The following FAM83A variants were observed in gnomAD, a reference collection of about 807,000 sequenced individuals.
FAM83A encodes scaffolding CK1 anchoring protein A.
FAM83A carries 21 observed loss-of-function variants against 24.4 expected under a neutral mutation model. That is an observed-to-expected ratio of 0.86 (90% CI 0.61 to 1.24). The LOEUF (loss-of-function observed/expected upper bound fraction) is 1.24. Ranked by LOEUF, FAM83A falls within the 50% of genes most tolerant of loss-of-function variation. FAM83A has a pLI of 0.00. For missense variants in FAM83A, 617 were observed against 579.8 expected, an observed-to-expected ratio of 1.06 and a Z score of -0.66; for synonymous variants, 270 against 252.4, an observed-to-expected ratio of 1.07 and a Z score of -0.66.
chr8:123,197,755 A>G (rs1330809225), intron 3 of FAM83A, among the ~76,000 whole-genome samples: 1 of 152,250 alleles, frequency 6.6e-6, no homozygotes, highest in Admixed American at 6.5e-5. Context: ...CGAAGAAATC[A>G]AAGAACAGGT....
At position 123,185,521 on chromosome 8, in the gene FAM83A, G is replaced by A. The variant is rs1229834321; in HGVS notation, c.480+2185G>A. 2.0e-5 allele frequency among the ~76,000 whole-genome samples: 3 copies of A among 152,172 alleles called. 1 individual carries two copies. The highest frequency in any genetic ancestry group is 4.4e-5 in the Non-Finnish European group (3 of 68,028). On this transcript the variant is annotated intron_variant, in intron 1 of 3. Transcript: ENST00000690554. Reference sequence around the variant, plus strand: ...CCTTTGGACCAACACAGCGTGTTACGAACTTAGGACAACACTTAAAAATCT... The same window carrying A: ...CCTTTGGACCAACACAGCGTGTTACAAACTTAGGACAACACTTAAAAATCT...
upstream of FAM83A, chr8:123,180,267 G>A (rs142660978): frequency 6.6e-6 from 1 of 151,826 alleles, no homozygotes; most frequent in East Asian, 1.9e-4. Flanking sequence ...AACAGGCAAT[G>A]GGGAGCCATT....
chr8:123,207,901 C>T (rs1280376058), exon 4 of FAM83A: 5 of 1,307,092 alleles, frequency 3.8e-6, no homozygotes, highest in Admixed American at 7.5e-5. Flanking sequence ...CTGTGCAGCA[C>T]ATTCCAGAAG....
At chr8:123,182,531 G>A (rs934444569), upstream of FAM83A, 7 of 532,918 alleles carry the variant, frequency 1.3e-5, no homozygotes, top group Non-Finnish European at 2.5e-5. Context: ...GCTCACCTTC[G>A]CCTCCCCCTG....
chr8:123,192,935 T>C (rs1824031520), intron 2 of FAM83A: 1 of 152,292 alleles, frequency 6.6e-6, no homozygotes, highest in South Asian at 2.1e-4. Context: ...AGGACAATGG[T>C]GTCCCTCCTC....
intron 3 of FAM83A, among the ~76,000 whole-genome samples, chr8:123,205,842 TG>T (rs763984438): frequency 2.2e-4 from 33 of 151,652 alleles, no homozygotes; most frequent in Non-Finnish European, 4.6e-4. Flanking sequence ...AGAAAAGAGT[TG>T]GGGTTAAATC....
chr8:123,190,901 G>T (rs1823951783), intron 1 of FAM83A, among the ~76,000 whole-genome samples: 1 of 152,110 alleles, frequency 6.6e-6, no homozygotes, highest in Admixed American at 6.6e-5. Flanking sequence ...AAGCAACCTC[G>T]TAGAAAGAAC....
rs1045071651 is a variant in FAM83A, at chr8:123,208,156, A to G, written c.*468A>G. 7.1e-6 allele frequency: 7 copies of G among 991,646 alleles called. No individual in the cohort carries two copies. The Admixed American group carries it at 3.6e-4, about 52-fold the overall frequency. The allele number at this position is 991,646 out of a possible 1,614,324, so 61.4% of individuals were successfully genotyped here. A position where few individuals can be genotyped will look rare whatever the true frequency, so the allele number is the denominator to read the frequency against. ...GAAATTCAGGAAAGAAAGACTGAGG[A>G]GAAGGTGTGGGAACATTCTGGATGT... On this transcript the variant is annotated 3_prime_UTR_variant, in exon 4 of 4. Coordinates refer to ENST00000690554, the Ensembl canonical transcript of FAM83A.
chr8:123,188,448 T>C (rs978160313), intron 1 of FAM83A, among the ~76,000 whole-genome samples: 30 of 152,076 alleles, frequency 2.0e-4, no homozygotes, highest in African/African-American at 6.3e-4. Context: ...CACCATTCAA[T>C]GCACCTTCTT....
At chr8:123,184,677 A>G (rs1823731513) in intron 1 of FAM83A, among the ~76,000 whole-genome samples, 1 of 152,100 alleles carries the variant, frequency 6.6e-6, no homozygotes, top group Non-Finnish European at 1.5e-5. Flanking sequence ...CAGGTGCACA[A>G]AATGACTCCA....
At chr8:123,193,872 C>T in intron 2 of FAM83A, 152 bp from the exon 3 acceptor site, 1 of 936,186 alleles carries the variant, frequency 1.1e-6, no homozygotes, top group East Asian at 2.8e-5. Flanking sequence ...ACCTAATCTC[C>T]TCCCAAAGGC....
At chr8:123,205,083 G>T (rs1824495543) in intron 3 of FAM83A, among the ~76,000 whole-genome samples, 1 of 151,948 alleles carries the variant, frequency 6.6e-6, no homozygotes, top group Admixed American at 6.5e-5. Flanking sequence ...CTGCACTCCA[G>T]CCTGGGCGAC....
At chr8:123,205,880 C>T (rs565959643) in intron 3 of FAM83A, among the ~76,000 whole-genome samples, 2 of 152,248 alleles carry the variant, frequency 1.3e-5, no homozygotes, top group South Asian at 4.1e-4. Context: ...CGCGGTGGCT[C>T]ACGCCTGTAA....
exon 4 of FAM83A, chr8:123,207,675 C>A: frequency 1.3e-6 from 2 of 1,505,350 alleles, no homozygotes; most frequent in Non-Finnish European, 1.8e-6. Context: ...CTGCAGGCCT[C>A]CCCTCACTTC....
At chr8:123,197,098 TA>T (rs35605707) in intron 3 of FAM83A, among the ~76,000 whole-genome samples, 39,615 of 151,994 alleles carry the variant, frequency 0.26, 5,475 homozygotes, top group African/African-American at 0.36. Flanking sequence ...CTGAGCCAGT[TA>T]CCTGTGGCTG....
intron 1 of FAM83A, among the ~76,000 whole-genome samples, chr8:123,186,110 A>C (rs1823783374): frequency 6.6e-6 from 1 of 152,178 alleles, no homozygotes; most frequent in Non-Finnish European, 1.5e-5. Context: ...CTAATATGGC[A>C]AACATAAATA....
chr8:123,200,614 T>G (rs1271784111), intron 3 of FAM83A, among the ~76,000 whole-genome samples: 1 of 151,880 alleles, frequency 6.6e-6, no homozygotes, highest in Admixed American at 6.6e-5. Flanking sequence ...GTCAGGAGTT[T>G]GAGACCAGCC....
chr8:123,207,856 C>T, exon 4 of FAM83A: 1 of 1,384,114 alleles, frequency 7.2e-7, no homozygotes, highest in Non-Finnish European at 9.3e-7. Context: ...CTTGCCGGCC[C>T]CCACCAGTTC....
chr8:123,188,929 C>G (rs992733087), intron 1 of FAM83A, among the ~76,000 whole-genome samples: 2 of 152,204 alleles, frequency 1.3e-5, no homozygotes, highest in African/African-American at 4.8e-5. Flanking sequence ...TCCTTTAATT[C>G]AAGATGCTGG....
Sources: gnomAD v4.1 joint callset for allele counts (sites outside exome capture counted in the v4.1 genomes callset) on GRCh38, gnomAD v4.1.1 for gene constraint, MANE v1.5 for transcripts, NCBI Gene and HGNC (gene_info 2026-07-23, HGNC 2026-07-21) for gene names.